ADAM12: variants seen among roughly 807,000 people sequenced by gnomAD.
ADAM12 encodes disintegrin and metalloproteinase domain-containing protein 12.
A neutral mutation model predicts 106.4 loss-of-function variants in ADAM12; 70 were observed. That is an observed-to-expected ratio of 0.66 (90% confidence interval 0.54 to 0.80). The LOEUF (loss-of-function observed/expected upper bound fraction) is 0.80, where lower values mean the gene tolerates loss of function less well. Among genes scored for constraint, ADAM12 ranks in the 30% least tolerant of loss-of-function variants. The pLI, the probability that ADAM12 is intolerant of heterozygous loss-of-function variation, is 0.00. For synonymous variants in ADAM12, 420 were observed against 433.5 expected (o/e 0.97, Z 0.39); for missense variants, 1,010 against 1,171.9 (o/e 0.86, Z 2.02).
At chr10:126,272,778 G>T in intron 3 of ADAM12, 1 of 286,466 alleles carries the variant, frequency 3.5e-6, no homozygotes, top group Non-Finnish European at 7.3e-6. Context: ...GCCATGTGCT[G>T]CCTCCAGGGG....
At chr10:126,266,405 C>T (rs1240517343) in intron 3 of ADAM12, among the ~76,000 whole-genome samples, 1 of 152,114 alleles carries the variant, frequency 6.6e-6, no homozygotes, top group Non-Finnish European at 1.5e-5. Context: ...GGAATAGGGG[C>T]AGTCACAGGA....
intron 3 of ADAM12, among the ~76,000 whole-genome samples, chr10:126,241,394 C>G (rs1477102365): frequency 6.6e-6 from 1 of 152,130 alleles, no homozygotes; most frequent in Non-Finnish European, 1.5e-5. Context: ...AATCACATCT[C>G]AATTAGAAGA....
intron 5 of ADAM12, among the ~76,000 whole-genome samples, chr10:126,133,883 C>T (rs1391571330): frequency 6.6e-6 from 1 of 152,218 alleles, no homozygotes; most frequent in African/African-American, 2.4e-5. Flanking sequence ...GCTCACCTCA[C>T]CTCCTTCCGA....
rs1189369769 is a variant in ADAM12, at chr10:126,014,321, T to G, written c.*2958A>C. The G allele has an allele frequency of 6.9e-6, 1 of 144,978 alleles. No individual in the cohort carries two copies. The highest frequency in any genetic ancestry group is 1.5e-5 in the Non-Finnish European group (1 of 66,452). The allele number at this position is 144,978 out of a possible 1,614,324, so 9.0% of individuals were successfully genotyped here. On this transcript the variant is annotated 3_prime_UTR_variant, in exon 23 of 23. Transcript: ENST00000448723. ...TGACACAGTTTTAGCCGGTTTTTTT[T>G]TTTTTTTTTTTTTTTTGAGGATGCA...
chr10:126,071,077 A>G (rs1291078394), intron 12 of ADAM12, among the ~76,000 whole-genome samples: 2 of 152,214 alleles, frequency 1.3e-5, no homozygotes, highest in South Asian at 2.1e-4. Context: ...TTAAAAATGA[A>G]TGCTGCTTAT....
intron 3 of ADAM12, among the ~76,000 whole-genome samples, chr10:126,225,410 C>T (rs143835979): frequency 1.3e-5 from 2 of 151,852 alleles, no homozygotes; most frequent in Admixed American, 6.6e-5. Context: ...TGAGGAAACA[C>T]GCCCAGAGAA....
intron 4 of ADAM12, among the ~76,000 whole-genome samples, chr10:126,139,203 T>G (rs1011772629): frequency 1.3e-5 from 2 of 152,336 alleles, no homozygotes; most frequent in South Asian, 4.1e-4. Context: ...TGCCTATTCA[T>G]GTACATGGCA....
At chr10:126,350,326 A>C (rs1369664209) in intron 1 of ADAM12, among the ~76,000 whole-genome samples, 2 of 152,230 alleles carry the variant, frequency 1.3e-5, no homozygotes, top group African/African-American at 4.8e-5. Flanking sequence ...CAGTATCAGC[A>C]TAAATCAGAG....
chr10:126,029,572 G>C (rs1953938492), intron 21 of ADAM12, among the ~76,000 whole-genome samples: 2 of 151,944 alleles, frequency 1.3e-5, no homozygotes, highest in Admixed American at 1.3e-4. Flanking sequence ...GCAGGGGGAG[G>C]AGGAAAGCAT....
chr10:126,092,806 C>A (rs1955490516), intron 11 of ADAM12, among the ~76,000 whole-genome samples: 2 of 152,196 alleles, frequency 1.3e-5, no homozygotes, highest in Admixed American at 6.5e-5. Flanking sequence ...CCTGATGGCT[C>A]CCATGAAAGG....
At chr10:126,026,748 A>G (rs1460677766) in intron 21 of ADAM12, among the ~76,000 whole-genome samples, 1 of 152,242 alleles carries the variant, frequency 6.6e-6, no homozygotes, top group Non-Finnish European at 1.5e-5. Context: ...AACATACCAG[A>G]ATCTCTGAGA....
chr10:126,364,067 T>C (rs1206460391), intron 1 of ADAM12, among the ~76,000 whole-genome samples: 1 of 151,994 alleles, frequency 6.6e-6, no homozygotes, highest in Non-Finnish European at 1.5e-5. Context: ...TCACAAGATT[T>C]AAAAAGAGAG....
chr10:126,251,620 A>AG (rs1958758403), intron 3 of ADAM12, among the ~76,000 whole-genome samples: 5 of 149,044 alleles, frequency 3.4e-5, no homozygotes, highest in African/African-American at 5.0e-5. Context: ...ATGCATGGAT[A>AG]GATGAATGGA....
chr10:126,243,900 T>C (rs902708235), intron 3 of ADAM12, among the ~76,000 whole-genome samples: 5 of 152,204 alleles, frequency 3.3e-5, no homozygotes, highest in Admixed American at 3.3e-4. Context: ...GTGACTGTCC[T>C]CTATACGCTT....
At chr10:126,320,869 C>A (rs1285716634) in intron 2 of ADAM12, among the ~76,000 whole-genome samples, 1 of 152,024 alleles carries the variant, frequency 6.6e-6, no homozygotes, top group South Asian at 2.1e-4. Context: ...AAATGGGGAA[C>A]CAAGGTATGC....
chr10:126,321,914 G>T (rs1020302999), intron 2 of ADAM12, among the ~76,000 whole-genome samples: 5 of 138,394 alleles, frequency 3.6e-5, no homozygotes, highest in African/African-American at 5.1e-5. Context: ...TCGGGGGGGG[G>T]GCTTCAGCAA....
intron 5 of ADAM12, among the ~76,000 whole-genome samples, chr10:126,132,533 C>CT (rs939047054): frequency 9.8e-5 from 14 of 142,276 alleles, no homozygotes; most frequent in Non-Finnish European, 1.5e-4. Context: ...CACCCCCCCC[C>CT]CCTCAACTAG....
intron 7 of ADAM12, among the ~76,000 whole-genome samples, chr10:126,109,518 C>T (rs966224917): frequency 8.5e-5 from 13 of 152,128 alleles, no homozygotes; most frequent in African/African-American, 3.1e-4. Context: ...TCAGTTAATT[C>T]TCCTTGTTTG....
chr10:126,067,301 A>C (rs1263608712), intron 12 of ADAM12, among the ~76,000 whole-genome samples: 1 of 152,350 alleles, frequency 6.6e-6, no homozygotes, highest in Admixed American at 6.5e-5. Context: ...AATTCCCTGC[A>C]ATCTCGCCAG....
Sources: gnomAD v4.1 joint callset for allele counts (sites outside exome capture counted in the v4.1 genomes callset) on GRCh38, gnomAD v4.1.1 for gene constraint, MANE v1.5 for transcripts, NCBI Gene and HGNC (gene_info 2026-07-23, HGNC 2026-07-21) for gene names.